Variants in SCAPER observed in about 807,000 individuals in gnomAD.
The protein encoded by SCAPER is S-phase cyclin A associated protein in the ER, also known as S phase cyclin A-associated protein in the endoplasmic reticulum.
Under a neutral mutation model 182.2 loss-of-function variants are expected in SCAPER, and 98 were observed. The ratio of observed to expected loss-of-function variants is 0.54; its 90% CI spans 0.46 to 0.64. SCAPER has a LOEUF of 0.64. Ranked by LOEUF, SCAPER falls within the 30% of genes least tolerant of loss-of-function variation. The probability of loss-of-function intolerance (pLI) is 0.00; values close to 1 mark genes in which losing one functional copy is unlikely to be tolerated. For missense variants in SCAPER, 1,432 were observed against 1,690.0 expected (o/e 0.85, Z 2.68); for synonymous variants, 605 against 564.6 (o/e 1.07, Z -1.01).
At chr15:76,364,689 A>G (rs1472644774) in intron 29 of SCAPER, among the ~76,000 whole-genome samples, 1 of 152,068 alleles carries the variant, frequency 6.6e-6, no homozygotes, top group Non-Finnish European at 1.5e-5. Flanking sequence ...CTTCAGAACC[A>G]GGGATGCTTG....
chr15:76,618,717 T>C lies in SCAPER; in HGVS notation c.2711+3047A>G, dbSNP rs528922265. 1.3e-3 allele frequency among the ~76,000 whole-genome samples: 191 copies of C among 152,368 alleles called. 1 individual carries two copies. Among genetic ancestry groups the C allele is most frequent in the African/African-American group, 4.4e-3 (183 of 41,592 alleles). On this transcript the variant is annotated intron_variant, in intron 22 of 31. Coordinates refer to ENST00000563290, the MANE Select transcript of SCAPER (RefSeq NM_020843.4). ...ATTGATTTAAAATTGTATCAACTTA[T>C]TACTTGAGAGTTTTAAAAGTAAATA...
In SCAPER at chr15:76,497,989, CAAAAAAAA is replaced by C. The variant is rs747096625; in HGVS notation, c.2954+6862_2954+6869del. ...CTGGTGATGGAGCGAGACTCCGTCT[CAAAAAAAA>C]AAAAAAAAAAAAAAAAAAAAAAATA... On this transcript the variant is annotated intron_variant, in intron 24 of 31. Coordinates refer to ENST00000563290, the MANE Select transcript of SCAPER (RefSeq NM_020843.4). Among the ~76,000 whole-genome samples the C allele has an allele frequency of 8.5e-3, 493 of 58,284 alleles. 1 individual carries two copies. Among genetic ancestry groups the C allele is most frequent in the Non-Finnish European group, 0.012 (396 of 33,088 alleles). The allele number at this position is 58,284 out of a possible 152,430, so 38.2% of individuals were successfully genotyped here.
chr15:76,696,868 C>G (rs2058680013), intron 20 of SCAPER, among the ~76,000 whole-genome samples: 1 of 152,144 alleles, frequency 6.6e-6, no homozygotes, highest in African/African-American at 2.4e-5. Flanking sequence ...ACATAAACTT[C>G]AAACACAGTC....
intron 27 of SCAPER, among the ~76,000 whole-genome samples, chr15:76,398,780 C>T (rs1000496576): frequency 1.3e-5 from 2 of 152,172 alleles, no homozygotes; most frequent in African/African-American, 2.4e-5. Flanking sequence ...CTTTTCCAAC[C>T]AATCAGAATT....
At chr15:76,577,240 G>A (rs1221111150) in intron 22 of SCAPER, among the ~76,000 whole-genome samples, 1 of 152,054 alleles carries the variant, frequency 6.6e-6, no homozygotes, top group African/African-American at 2.4e-5. Context: ...GGGCCCAGAA[G>A]TTCAAGACCA....
At chr15:76,539,361 C>T (rs551553757) in intron 23 of SCAPER, among the ~76,000 whole-genome samples, 10 of 152,126 alleles carry the variant, frequency 6.6e-5, no homozygotes, top group African/African-American at 2.2e-4. Context: ...AAGCCTGGCT[C>T]CTACATCAGA....
chr15:76,778,121 G>A (rs189168386), intron 8 of SCAPER, among the ~76,000 whole-genome samples: 101 of 152,260 alleles, frequency 6.6e-4, no homozygotes, highest in Non-Finnish European at 1.0e-3. Flanking sequence ...TCATAAAGTT[G>A]AAAAGTCATA....
At chr15:76,564,427 A>G (rs531589610) in intron 23 of SCAPER, among the ~76,000 whole-genome samples, 1 of 152,156 alleles carries the variant, frequency 6.6e-6, no homozygotes, top group South Asian at 2.1e-4. Flanking sequence ...CCACAAAAAG[A>G]ATAAAATACC....
At chr15:76,711,533 T>C (rs1333273725) in intron 17 of SCAPER, among the ~76,000 whole-genome samples, 2 of 152,174 alleles carry the variant, frequency 1.3e-5, no homozygotes, top group Admixed American at 1.3e-4. Context: ...CCAAATGGTG[T>C]CAAGGGTTGT....
intron 17 of SCAPER, among the ~76,000 whole-genome samples, chr15:76,723,181 T>G (rs984082767): frequency 2.6e-5 from 4 of 152,246 alleles, no homozygotes; most frequent in Admixed American, 6.5e-5. Context: ...TTCATTTCAT[T>G]ATTTACCCAG....
intron 22 of SCAPER, among the ~76,000 whole-genome samples, chr15:76,604,785 G>A (rs1256181640): frequency 6.6e-6 from 1 of 151,480 alleles, no homozygotes; most frequent in Non-Finnish European, 1.5e-5. Flanking sequence ...TCTCTTTGAA[G>A]CAATTGTGAA....
chr15:76,690,400 A>G (rs2058288744), intron 20 of SCAPER, among the ~76,000 whole-genome samples: 1 of 152,198 alleles, frequency 6.6e-6, no homozygotes, highest in African/African-American at 2.4e-5. Flanking sequence ...ACCAGAGAGT[A>G]CCAAGGGGAC....
intron 24 of SCAPER, among the ~76,000 whole-genome samples, chr15:76,476,866 TA>T (rs1255965230): frequency 3.9e-5 from 6 of 151,964 alleles, no homozygotes; most frequent in African/African-American, 1.5e-4. Flanking sequence ...CCTGTGGATA[TA>T]AAAATTTACT....
intron 25 of SCAPER, among the ~76,000 whole-genome samples, chr15:76,464,928 A>G (rs2049480798): frequency 6.6e-6 from 1 of 152,132 alleles, no homozygotes; most frequent in Admixed American, 6.5e-5. Context: ...AGCCATCCTA[A>G]CAGGCATGAG....
intron 23 of SCAPER, among the ~76,000 whole-genome samples, chr15:76,516,694 T>C (rs2042453644): frequency 6.6e-6 from 1 of 152,210 alleles, no homozygotes; most frequent in East Asian, 1.9e-4. Context: ...TGTGTCTTTA[T>C]AGTAGAATGA....
chr15:76,581,178 C>A (rs1204450308), intron 22 of SCAPER, among the ~76,000 whole-genome samples: 9 of 151,578 alleles, frequency 5.9e-5, no homozygotes, highest in African/African-American at 9.7e-5. Flanking sequence ...ACAACAACAA[C>A]AAAAAAAAGT....
intron 3 of SCAPER, among the ~76,000 whole-genome samples, chr15:76,860,939 T>C (rs2071814235): frequency 6.6e-6 from 1 of 152,026 alleles, no homozygotes; most frequent in Non-Finnish European, 1.5e-5. Context: ...TTTGAAAAAT[T>C]GAGAAGAATT....
intron 21 of SCAPER, among the ~76,000 whole-genome samples, chr15:76,647,498 ATAGC>A (rs760111572): frequency 1.3e-5 from 2 of 152,224 alleles, no homozygotes; most frequent in Non-Finnish European, 2.9e-5. Context: ...CACTTTCCAG[ATAGC>A]TACATATCGG....
At chr15:76,633,645 G>A (rs1249767661) in intron 21 of SCAPER, among the ~76,000 whole-genome samples, 1 of 152,200 alleles carries the variant, frequency 6.6e-6, no homozygotes, top group Non-Finnish European at 1.5e-5. Context: ...CCCACAGGGA[G>A]GCCTTGCCTG....
Sources: gnomAD v4.1 joint callset for allele counts (sites outside exome capture counted in the v4.1 genomes callset) on GRCh38, gnomAD v4.1.1 for gene constraint, MANE v1.5 for transcripts, NCBI Gene and HGNC (gene_info 2026-07-23, HGNC 2026-07-21) for gene names.